CACNA2D1: variants seen among roughly 807,000 people sequenced by gnomAD.
CACNA2D1 encodes voltage-dependent calcium channel subunit alpha-2/delta-1.
In CACNA2D1, 53 loss-of-function variants were observed where a neutral mutation model predicts 171.5. That is an observed-to-expected ratio of 0.31 (90% CI 0.25 to 0.39). The LOEUF is 0.39. Ranked by LOEUF, CACNA2D1 falls within the 10% of genes least tolerant of loss-of-function variation. The pLI is 1.00. For synonymous variants in CACNA2D1, 442 were observed against 443.1 expected (o/e 1.00, Z 0.03); for missense variants, 903 against 1,299.8 (o/e 0.69, Z 4.69).
chr7:82,434,413 T>G (rs1013369523), intron 1 of CACNA2D1, among the ~76,000 whole-genome samples: 1 of 152,104 alleles, frequency 6.6e-6, no homozygotes, highest in African/African-American at 2.4e-5. Flanking sequence ...TCATAGGGGT[T>G]TGTTGTACAG....
intron 6 of CACNA2D1, 118 bp from the exon 7 acceptor site, chr7:82,085,018 T>A: frequency 1.1e-6 from 1 of 923,706 alleles, no homozygotes; most frequent in Non-Finnish European, 1.7e-6. Context: ...AAAATAACTC[T>A]AATCCAGTAG....
In CACNA2D1 at chr7:82,136,694, C is replaced by A. The variant is rs370574759; in HGVS notation, c.355-18G>T. ...TCATTGCTCTACAAAAAAAAAAGAACGCTTTATTGATTTTAATAAAAACAA... is the reference window on the plus strand; with the variant it reads ...TCATTGCTCTACAAAAAAAAAAGAAAGCTTTATTGATTTTAATAAAAACAA... On this transcript the variant is annotated intron_variant, in intron 4 of 38. Coordinates refer to ENST00000356860, the MANE Select transcript of CACNA2D1 (RefSeq NM_000722.4). The A allele has an allele frequency of 1.3e-6, 2 of 1,531,456 alleles. No homozygotes were observed. The highest frequency in any genetic ancestry group is 1.4e-5 in the African/African-American group (1 of 72,648). The allele number at this position is 1,531,456 out of a possible 1,614,324, so 94.9% of individuals were successfully genotyped here. A position where few individuals can be genotyped will look rare whatever the true frequency, so the allele number is the denominator to read the frequency against.
chr7:82,247,157 GC>G (rs1417181849), intron 3 of CACNA2D1, among the ~76,000 whole-genome samples: 2 of 152,112 alleles, frequency 1.3e-5, no homozygotes, highest in African/African-American at 4.8e-5. Context: ...GACAGTAAAA[GC>G]TTTACCAATA....
intron 1 of CACNA2D1, among the ~76,000 whole-genome samples, chr7:82,414,293 A>G (rs1827957141): frequency 6.6e-6 from 1 of 152,190 alleles, no homozygotes; most frequent in African/African-American, 2.4e-5. Context: ...AGTCACAACA[A>G]CACATGGTGC....
At chr7:82,054,599 T>C (rs573892056) in intron 10 of CACNA2D1, among the ~76,000 whole-genome samples, 13 of 152,222 alleles carry the variant, frequency 8.5e-5, no homozygotes, top group Non-Finnish European at 1.6e-4. Context: ...ATAAACCATT[T>C]AAGCTTGAAT....
intron 12 of CACNA2D1, among the ~76,000 whole-genome samples, chr7:82,025,954 T>C (rs575945686): frequency 6.0e-4 from 91 of 151,838 alleles, no homozygotes; most frequent in Non-Finnish European, 1.2e-3. Context: ...TTTATATATT[T>C]AGATGTTCTG....
chr7:82,150,364 C>T (rs1793726601), intron 4 of CACNA2D1, among the ~76,000 whole-genome samples: 1 of 146,858 alleles, frequency 6.8e-6, no homozygotes, highest in Non-Finnish European at 1.5e-5. Context: ...CATGTGAGCA[C>T]CCAACAGAAC....
At chr7:82,201,372 T>A (rs573913170) in intron 3 of CACNA2D1, among the ~76,000 whole-genome samples, 16 of 152,376 alleles carry the variant, frequency 1.1e-4, no homozygotes, top group South Asian at 2.1e-4. Context: ...CACATTTTTT[T>A]AATCACTTTA....
intron 12 of CACNA2D1, among the ~76,000 whole-genome samples, chr7:82,016,622 CAA>C (rs774063245): frequency 1.8e-5 from 2 of 112,550 alleles, no homozygotes; most frequent in African/African-American, 3.0e-5. Context: ...CCCCCCCCCC[CAA>C]AAAAAAAGCT....
intron 4 of CACNA2D1, among the ~76,000 whole-genome samples, chr7:82,140,420 A>T (rs1792230156): frequency 1.3e-5 from 2 of 152,174 alleles, no homozygotes; most frequent in Non-Finnish European, 2.9e-5. Flanking sequence ...CATTCATAGC[A>T]TATACATTTC....
chr7:82,124,050 TATG>T (rs1790050455), intron 5 of CACNA2D1, among the ~76,000 whole-genome samples: 1 of 152,088 alleles, frequency 6.6e-6, no homozygotes, highest in South Asian at 2.1e-4. Flanking sequence ...CCAAAGCAAT[TATG>T]GATACAAAGC....
chr7:82,365,693 C>A (rs1821614495), intron 1 of CACNA2D1, among the ~76,000 whole-genome samples: 1 of 152,168 alleles, frequency 6.6e-6, no homozygotes, highest in East Asian at 1.9e-4. Context: ...TTGAGCCTTT[C>A]CATGAAAGAC....
At chr7:82,388,456 C>T (rs1469464015) in intron 1 of CACNA2D1, among the ~76,000 whole-genome samples, 2 of 152,174 alleles carry the variant, frequency 1.3e-5, no homozygotes, top group East Asian at 1.9e-4. Flanking sequence ...TCGTTTTTCA[C>T]ATTATTGTCC....
At position 81,959,364 on chromosome 7, in the gene CACNA2D1, G is replaced by A; in HGVS notation, c.3077-7C>T. 6.3e-7 allele frequency: 1 copy of A among 1,592,866 alleles called. No individual in the cohort carries two copies. The highest frequency in any genetic ancestry group is 8.6e-7 in the Non-Finnish European group (1 of 1,160,736). ...CAAGGATTTGGACCGTCAGCTAAAAGAGACTTGTTAAGGAATCTCATGTTA... is the reference window on the plus strand; with the variant it reads ...CAAGGATTTGGACCGTCAGCTAAAAAAGACTTGTTAAGGAATCTCATGTTA... On this transcript the variant is annotated splice_region_variant and splice_polypyrimidine_tract_variant and intron_variant, in intron 37 of 38. Coordinates refer to ENST00000356860, the MANE Select transcript of CACNA2D1 (RefSeq NM_000722.4).
At chr7:82,376,280 T>C (rs370418219) in intron 1 of CACNA2D1, among the ~76,000 whole-genome samples, 12 of 152,294 alleles carry the variant, frequency 7.9e-5, no homozygotes, top group African/African-American at 2.9e-4. Flanking sequence ...AAACAAGATT[T>C]AATGCACACA....
In CACNA2D1 at chr7:82,084,878, G is replaced by A. The variant is rs1177573983; in HGVS notation, c.549C>T (p.Leu183=). The A allele has an allele frequency of 6.2e-7, 1 of 1,613,398 alleles. No individual in the cohort carries two copies. Among genetic ancestry groups the A allele is most frequent in the African/African-American group, 1.3e-5 (1 of 75,004 alleles). ...CTTCATCTAAGGCACTTGTCCAGTT[G>A]AGTTCATTTAACACAATTGTTGCTA... ...YEGSTIVLNE[L]NWTSALDEVF... is the part of the protein sequence containing the mutation. Residue 183 remains leucine (L), a synonymous_variant, in exon 7 of 39, where the codon CTC becomes CTT. Coordinates refer to ENST00000356860, the MANE Select transcript of CACNA2D1 (RefSeq NM_000722.4).
At chr7:82,116,373 G>C (rs1266261877) in intron 6 of CACNA2D1, among the ~76,000 whole-genome samples, 2 of 152,170 alleles carry the variant, frequency 1.3e-5, no homozygotes, top group Non-Finnish European at 2.9e-5. Flanking sequence ...ACCTGCGCAA[G>C]CTTCCGCCAC....
intron 24 of CACNA2D1, among the ~76,000 whole-genome samples, chr7:81,975,784 G>A (rs1352656355): frequency 1.4e-5 from 2 of 139,012 alleles, no homozygotes; most frequent in African/African-American, 2.7e-5. Context: ...CTTCAACTAA[G>A]TAAGTATTGG....
chr7:82,014,033 T>G (rs1244722447), intron 13 of CACNA2D1, among the ~76,000 whole-genome samples: 1 of 152,046 alleles, frequency 6.6e-6, no homozygotes, highest in Non-Finnish European at 1.5e-5. Flanking sequence ...AAAACAGTAA[T>G]TAAACCACTC....
Sources: allele counts gnomAD v4.1 joint callset (sites outside exome capture counted in the v4.1 genomes callset), GRCh38; gene constraint gnomAD v4.1.1; transcripts MANE v1.5; gene names NCBI Gene and HGNC (gene_info 2026-07-23, HGNC 2026-07-21).